Variants in EPB41L1 observed in about 807,000 individuals in gnomAD.
The protein encoded by EPB41L1 is erythrocyte membrane protein band 4.1 like 1.
Under a neutral mutation model 97.8 loss-of-function variants are expected in EPB41L1, and 29 were observed. The observed-to-expected ratio is 0.30, with a 90% CI of 0.22 to 0.40. The LOEUF is 0.40. EPB41L1 is among the 10% of genes least tolerant of loss of function. EPB41L1 has a pLI of 1.00. For missense variants in EPB41L1, 812 were observed against 1,162.3 expected (o/e 0.70, Z 4.38); for synonymous variants, 383 against 459.2 (o/e 0.83, Z 2.12).
At chr20:36,106,113 C>T (rs779865876) in intron 1 of EPB41L1, among the ~76,000 whole-genome samples, 34 of 152,306 alleles carry the variant, frequency 2.2e-4, no homozygotes, top group Non-Finnish European at 4.6e-4. Flanking sequence ...GTCCAGAGGC[C>T]AGGCAGCCAG....
intron 1 of EPB41L1, among the ~76,000 whole-genome samples, chr20:36,106,768 A>G (rs1017687953): frequency 7.2e-5 from 11 of 152,260 alleles, no homozygotes; most frequent in African/African-American, 2.7e-4. Context: ...TGCCCTATAC[A>G]GCAGCCATTA....
Position 36,190,845 on chromosome 20 carries a change from A to C in EPB41L1, c.1300+48A>C. ...GGGCGGGGAATGGTCTTCAGAGGGA[A>C]CTGGGGGAGTGGGCATGCTGGGTTC... On this transcript the variant is annotated intron_variant, in intron 11 of 21. Coordinates refer to ENST00000338074, the MANE Select transcript of EPB41L1 (RefSeq NM_012156.2). The surrounding 1 kb of genome is among the most constrained non-coding windows in gnomAD (Gnocchi z 5.8). The C allele has an allele frequency of 6.2e-7, 1 of 1,605,192 alleles. No individual in the cohort carries two copies. The highest frequency in any genetic ancestry group is 8.5e-7 in the Non-Finnish European group (1 of 1,178,348).
At chr20:36,107,989 AT>A (rs974557832) in intron 1 of EPB41L1, among the ~76,000 whole-genome samples, 24 of 147,668 alleles carry the variant, frequency 1.6e-4, no homozygotes, top group South Asian at 2.1e-4. Flanking sequence ...TTTAGTTTTA[AT>A]TTTTTTTTTT....
Position 36,209,228 on chromosome 20 carries a change from G to T in EPB41L1, c.1669-260G>T, listed in dbSNP as rs892443420. On this transcript the variant is annotated intron_variant, in intron 14 of 21. Coordinates refer to ENST00000338074, the MANE Select transcript of EPB41L1 (RefSeq NM_012156.2). The surrounding 1 kb of genome is among the most constrained non-coding windows in gnomAD (Gnocchi z 4.2). The stretch of plus-strand genomic sequence containing the variant: ...CCTGTCCAGGAGTCACTGGCAGGAC[G>T]TTTGCTTTGTACTTGCTTTTGCCAT... Among the ~76,000 whole-genome samples the T allele has an allele frequency of 6.6e-6, 1 of 152,170 alleles. No individual in the cohort carries two copies. Among genetic ancestry groups the T allele is most frequent in the Non-Finnish European group, 1.5e-5 (1 of 68,028 alleles).
At chr20:36,211,411 A>G (rs545382460) in intron 15 of EPB41L1, among the ~76,000 whole-genome samples, 2 of 152,082 alleles carry the variant, frequency 1.3e-5, no homozygotes, top group Non-Finnish European at 2.9e-5. Context: ...AAACAAAACT[A>G]TACTCAGAGG....
intron 1 of EPB41L1, among the ~76,000 whole-genome samples, chr20:36,173,114 T>G (rs770999697): frequency 7.2e-5 from 11 of 152,288 alleles, no homozygotes; most frequent in South Asian, 4.1e-4. Flanking sequence ...CTGAGAGAGG[T>G]GAAGTGACTG....
chr20:36,102,795 C>T (rs1220342267), intron 1 of EPB41L1, among the ~76,000 whole-genome samples: 3 of 152,178 alleles, frequency 2.0e-5, no homozygotes, highest in Non-Finnish European at 2.9e-5. Context: ...TCTCCCTTTC[C>T]GTCCCCACTC....
At chr20:36,148,578 A>G (rs1048020243) in intron 2 of EPB41L1, 1 of 152,302 alleles carries the variant, frequency 6.6e-6, no homozygotes, top group Non-Finnish European at 1.5e-5. Context: ...GAGTTGCTTC[A>G]TCAGAGAATG....
At chr20:36,100,489 G>A (rs541095708) in intron 1 of EPB41L1, among the ~76,000 whole-genome samples, 2 of 152,306 alleles carry the variant, frequency 1.3e-5, no homozygotes, top group East Asian at 1.9e-4. Context: ...AACTGCTTAT[G>A]TTTATTGGCT....
At chr20:36,138,420 C>T (rs772928276) in intron 2 of EPB41L1, among the ~76,000 whole-genome samples, 1 of 152,004 alleles carries the variant, frequency 6.6e-6, no homozygotes. Context: ...TTCTCCACCC[C>T]GCCCGCTAAT....
chr20:36,197,831 C>G (rs778245300), intron 13 of EPB41L1, 28 bp from the exon 14 acceptor site: 3 of 1,613,846 alleles, frequency 1.9e-6, no homozygotes, highest in Non-Finnish European at 2.5e-6. Context: ...GTTCCCCTAA[C>G]ACCACCACCC....
chr20:36,125,559 G>C, intron 2 of EPB41L1: 1 of 1,534,626 alleles, frequency 6.5e-7, no homozygotes, highest in Non-Finnish European at 8.7e-7. Context: ...AACAGTGGGG[G>C]ATTCAGAAAG....
chr20:36,148,617 G>A (rs1265645940), intron 2 of EPB41L1: 1 of 152,242 alleles, frequency 6.6e-6, no homozygotes, highest in Non-Finnish European at 1.5e-5. Context: ...TTCCATTGAG[G>A]AAGCAGAGCC....
intron 5 of EPB41L1, among the ~76,000 whole-genome samples, chr20:36,180,101 T>A (rs779561899): frequency 6.6e-5 from 10 of 152,200 alleles, no homozygotes; most frequent in Non-Finnish European, 1.2e-4. Flanking sequence ...CCAGGCCTGG[T>A]GGATGTCACT....
intron 2 of EPB41L1, among the ~76,000 whole-genome samples, chr20:36,124,079 T>G (rs1486974207): frequency 6.6e-6 from 1 of 151,734 alleles, no homozygotes; most frequent in East Asian, 1.9e-4. Context: ...AAACCCCGTC[T>G]CTACTAAAAA....
intron 2 of EPB41L1, among the ~76,000 whole-genome samples, chr20:36,148,046 G>A (rs2059907062): frequency 6.6e-6 from 1 of 152,132 alleles, no homozygotes; most frequent in African/African-American, 2.4e-5. Flanking sequence ...TCAGCCTCAG[G>A]AGTGTCCTGG....
chr20:36,231,319 C>T lies in EPB41L1; in HGVS notation c.*1979C>T, dbSNP rs559681888. 2 of 152,272 alleles carry T rather than the reference C, an allele frequency of 1.3e-5. No homozygotes were observed. The highest frequency in any genetic ancestry group is 2.9e-5 in the Non-Finnish European group (2 of 68,054). The allele number at this position is 152,272 out of a possible 1,614,324, so 9.4% of individuals were successfully genotyped here. A position where few individuals can be genotyped will look rare whatever the true frequency, so the allele number is the denominator to read the frequency against. On this transcript the variant is annotated 3_prime_UTR_variant, in exon 22 of 22. Transcript: ENST00000338074. ...AAATGTCCCACTGCACTGCGAATTTCTCAGTTCCATTTTACCTCCCAGTCC... is the reference window on the plus strand; with the variant it reads ...AAATGTCCCACTGCACTGCGAATTTTTCAGTTCCATTTTACCTCCCAGTCC...
intron 1 of EPB41L1, among the ~76,000 whole-genome samples, chr20:36,159,909 A>C (rs2060462926): frequency 6.6e-6 from 1 of 152,232 alleles, no homozygotes; most frequent in Non-Finnish European, 1.5e-5. Context: ...TAATGTGGAT[A>C]GTCCAAGTAC....
intron 2 of EPB41L1, among the ~76,000 whole-genome samples, chr20:36,146,879 G>A (rs2059858937): frequency 6.6e-6 from 1 of 152,042 alleles, no homozygotes. Flanking sequence ...AGGTGCAGTG[G>A]GTCATGCCTG....
Sources: allele counts gnomAD v4.1 joint callset (sites outside exome capture counted in the v4.1 genomes callset), GRCh38; gene constraint gnomAD v4.1.1; non-coding constraint Gnocchi (gnomAD v3.1); transcripts MANE v1.5; gene names NCBI Gene and HGNC (gene_info 2026-07-23, HGNC 2026-07-21).